ALK: variants seen among roughly 807,000 people sequenced by gnomAD.
ALK encodes ALK tyrosine kinase receptor.
Under a neutral mutation model 163.1 loss-of-function variants are expected in ALK, and 74 were observed. The observed-to-expected ratio is 0.45, with a 90% CI of 0.38 to 0.55. ALK has a LOEUF of 0.55. ALK is among the 20% of genes least tolerant of loss of function. ALK has a pLI of 0.00. For synonymous variants in ALK, 960 were observed against 843.2 expected, an observed-to-expected ratio of 1.14 and a Z score of -2.40; for missense variants, 2,063 against 2,105.3, an observed-to-expected ratio of 0.98 and a Z score of 0.39.
At chr2:29,465,803 C>T (rs2148106789) in intron 4 of ALK, among the ~76,000 whole-genome samples, 1 of 152,094 alleles carries the variant, frequency 6.6e-6, no homozygotes, top group African/African-American at 2.4e-5. Context: ...TCAGAAATGG[C>T]AAATATTTAG....
intron 3 of ALK, among the ~76,000 whole-genome samples, chr2:29,690,698 T>G (rs997895408): frequency 3.3e-5 from 5 of 152,360 alleles, no homozygotes; most frequent in African/African-American, 1.2e-4. Context: ...GAATTGTATC[T>G]TCCTTATTAT....
intron 3 of ALK, among the ~76,000 whole-genome samples, chr2:29,693,935 G>A (rs958846023): frequency 2.0e-5 from 3 of 152,200 alleles, no homozygotes; most frequent in Non-Finnish European, 2.9e-5. Context: ...GAAATCCAAT[G>A]AGACAGCGTA....
intron 3 of ALK, among the ~76,000 whole-genome samples, chr2:29,543,835 G>T (rs1222817438): frequency 6.6e-6 from 1 of 152,162 alleles, no homozygotes; most frequent in Non-Finnish European, 1.5e-5. Context: ...TTGCTATTCA[G>T]AATTTGTTCC....
At chr2:29,743,199 C>G (rs1253102770) in intron 1 of ALK, among the ~76,000 whole-genome samples, 1 of 152,200 alleles carries the variant, frequency 6.6e-6, no homozygotes, top group East Asian at 1.9e-4. Flanking sequence ...AATGCATAAG[C>G]TAGCTGAGAT....
intron 4 of ALK, among the ~76,000 whole-genome samples, chr2:29,394,271 G>A (rs1210547686): frequency 6.6e-6 from 1 of 151,092 alleles, no homozygotes; most frequent in African/African-American, 2.4e-5. Flanking sequence ...ATGCATCAGT[G>A]GTTTTTTTCT....
chr2:29,645,450 G>T (rs1676844820), intron 3 of ALK, among the ~76,000 whole-genome samples: 1 of 152,088 alleles, frequency 6.6e-6, no homozygotes, highest in Non-Finnish European at 1.5e-5. Context: ...ATTTTTCTCA[G>T]ATTCCAAATA....
At chr2:29,587,102 G>A (rs993574285) in intron 3 of ALK, among the ~76,000 whole-genome samples, 3 of 152,212 alleles carry the variant, frequency 2.0e-5, no homozygotes, top group Admixed American at 2.0e-4. Context: ...TGGGTGACCA[G>A]TTAGACTACT....
At chr2:29,400,792 T>C (rs1164227543) in intron 4 of ALK, among the ~76,000 whole-genome samples, 1 of 152,040 alleles carries the variant, frequency 6.6e-6, no homozygotes, top group Admixed American at 6.6e-5. Flanking sequence ...CTGACCAACA[T>C]GGAGAAACCC....
intron 4 of ALK, among the ~76,000 whole-genome samples, chr2:29,409,241 G>A (rs943841886): frequency 6.6e-6 from 1 of 152,166 alleles, no homozygotes; most frequent in Non-Finnish European, 1.5e-5. Context: ...CCTCTAGTAA[G>A]GGAAGAGAAT....
chr2:29,469,557 C>T lies in ALK; in HGVS notation c.1154+62358G>A, dbSNP rs1021965902. 2.0e-5 allele frequency among the ~76,000 whole-genome samples: 3 copies of T among 152,266 alleles called. No homozygotes were observed. The East Asian group carries it at 5.8e-4, about 29-fold the overall frequency. ...TCATGAAATCTCTCCTTACTCTTTC[C>T]TAACTTTGGCCCTTTCTGTAGCTCT... On this transcript the variant is annotated intron_variant, in intron 4 of 28. Coordinates refer to ENST00000389048, the MANE Select transcript of ALK (RefSeq NM_004304.5).
intron 4 of ALK, among the ~76,000 whole-genome samples, chr2:29,523,539 T>C (rs1672870730): frequency 3.9e-5 from 6 of 152,168 alleles, no homozygotes; most frequent in Admixed American, 3.9e-4. Flanking sequence ...ATCACTAAAA[T>C]TCTTGCACCT....
At chr2:29,853,493 T>C (rs1449161743) in intron 1 of ALK, among the ~76,000 whole-genome samples, 1 of 152,042 alleles carries the variant, frequency 6.6e-6, no homozygotes, top group Non-Finnish European at 1.5e-5. Flanking sequence ...CACACCTTGC[T>C]CTCCCCACTT....
At chr2:29,287,658 G>A (rs968165963) in intron 9 of ALK, among the ~76,000 whole-genome samples, 1 of 152,124 alleles carries the variant, frequency 6.6e-6, no homozygotes, top group African/African-American at 2.4e-5. Flanking sequence ...AGGAGGCAAT[G>A]TGAGCGGAGC....
intron 9 of ALK, among the ~76,000 whole-genome samples, chr2:29,276,506 G>C (rs1354127758): frequency 6.6e-6 from 1 of 152,152 alleles, no homozygotes; most frequent in African/African-American, 2.4e-5. Context: ...CTACCCTCCA[G>C]AACGTCAATC....
chr2:29,219,180 A>G (rs1451332666), intron 23 of ALK, among the ~76,000 whole-genome samples: 1 of 152,230 alleles, frequency 6.6e-6, no homozygotes, highest in East Asian at 1.9e-4. Context: ...GGAGGATGCC[A>G]GCTGATGAGG....
chr2:29,544,160 CAGA>C (rs1188831542), intron 3 of ALK, among the ~76,000 whole-genome samples: 2 of 152,164 alleles, frequency 1.3e-5, no homozygotes, highest in African/African-American at 4.8e-5. Context: ...GGAATCTGGA[CAGA>C]AGGAGTGCAG....
intron 1 of ALK, among the ~76,000 whole-genome samples, chr2:29,917,060 T>C (rs1359627968): frequency 2.0e-5 from 3 of 152,242 alleles, no homozygotes; most frequent in Admixed American, 1.3e-4. Context: ...CTTTCTGTCC[T>C]CTCAGACAGC....
intron 4 of ALK, among the ~76,000 whole-genome samples, chr2:29,442,339 T>A (rs903958561): frequency 6.6e-6 from 1 of 151,998 alleles, no homozygotes; most frequent in Non-Finnish European, 1.5e-5. Context: ...CTTCTGAGCA[T>A]GAATGCGGTT....
chr2:29,323,138 T>C (rs1667125416), intron 6 of ALK, among the ~76,000 whole-genome samples: 1 of 152,172 alleles, frequency 6.6e-6, no homozygotes, highest in Non-Finnish European at 1.5e-5. Flanking sequence ...ATCTGTAAAA[T>C]GGGGCAGTAT....
Sources: allele counts gnomAD v4.1 joint callset (sites outside exome capture counted in the v4.1 genomes callset), GRCh38; gene constraint gnomAD v4.1.1; transcripts MANE v1.5; gene names NCBI Gene and HGNC (gene_info 2026-07-23, HGNC 2026-07-21).